CNIH4: variants seen among roughly 807,000 people sequenced by gnomAD.
CNIH4 encodes protein cornichon homolog 4.
In CNIH4, 9 loss-of-function variants were observed where a neutral mutation model predicts 21.5. That is an observed-to-expected ratio of 0.42 (90% CI 0.25 to 0.73). CNIH4 has a LOEUF of 0.73. Ranked by LOEUF, CNIH4 falls within the 30% of genes least tolerant of loss-of-function variation. CNIH4 has a pLI of 0.27. For missense variants in CNIH4, 159 were observed against 170.0 expected, an observed-to-expected ratio of 0.94 and a Z score of 0.36; for synonymous variants, 67 against 59.1, an observed-to-expected ratio of 1.13 and a Z score of -0.61.
At chr1:224,366,386 C>G (rs971583143) in intron 3 of CNIH4, among the ~76,000 whole-genome samples, 2 of 151,790 alleles carry the variant, frequency 1.3e-5, no homozygotes, top group African/African-American at 4.8e-5. Context: ...GAGTCTCACT[C>G]TGTCACCCAG....
At chr1:224,360,644 A>G (rs1672259629) in intron 2 of CNIH4, 81 bp downstream of exon 2, 8 of 667,042 alleles carry the variant, frequency 1.2e-5, no homozygotes, top group Non-Finnish European at 1.9e-5. Context: ...TAACAGATGT[A>G]TTTTTGATTT....
intron 4 of CNIH4, among the ~76,000 whole-genome samples, chr1:224,375,135 C>T (rs1672742802): frequency 6.6e-6 from 1 of 152,172 alleles, no homozygotes; most frequent in Non-Finnish European, 1.5e-5. Flanking sequence ...CACAGAACCC[C>T]TACGGTAAAA....
At chr1:224,365,339 T>TA (rs1231322624) in intron 2 of CNIH4, among the ~76,000 whole-genome samples, 1 of 152,366 alleles carries the variant, frequency 6.6e-6, no homozygotes, top group East Asian at 1.9e-4. Context: ...GTAAAGCCGA[T>TA]AGGCCAGGAT....
chr1:224,360,229 A>G (rs76752382), intron 1 of CNIH4, among the ~76,000 whole-genome samples: 2 of 148,184 alleles, frequency 1.3e-5, no homozygotes, highest in Non-Finnish European at 3.0e-5. Flanking sequence ...TTTTTTTTTA[A>G]TAGCCATTGT....
rs1454827965 is a variant in CNIH4, at chr1:224,378,895, G to T, written c.*3073G>T. 6 of 602,824 alleles carry T rather than the reference G, an allele frequency of 1.0e-5. No individual in the cohort carries two copies. In the Admixed American group the frequency reaches 1.7e-4, roughly 17 times the overall value. The allele number at this position is 602,824 out of a possible 1,614,324, so 37.3% of individuals were successfully genotyped here. A position where few individuals can be genotyped will look rare whatever the true frequency, so the allele number is the denominator to read the frequency against. On this transcript the variant is annotated 3_prime_UTR_variant, in exon 5 of 5. Coordinates refer to ENST00000465271, the MANE Select transcript of CNIH4 (RefSeq NM_014184.4). ...GAGATCGTTCAGGGTGTTGTAACTG[G>T]GAACATCTGAATGCTGAGGCTTAGT...
Position 224,356,902 on chromosome 1 carries a change from A to G in CNIH4, c.-23A>G. 2 of 1,592,560 alleles carry G rather than the reference A, an allele frequency of 1.3e-6. No individual in the cohort carries two copies. Among genetic ancestry groups the G allele is most frequent in the South Asian group, 1.1e-5 (1 of 88,100 alleles). On this transcript the variant is annotated 5_prime_UTR_variant, in exon 1 of 5. Coordinates refer to ENST00000465271, the MANE Select transcript of CNIH4 (RefSeq NM_014184.4). ...GCATCCGAGCGGGTTTGACGGAAGG[A>G]GCGGCGGCGACGGAGGAGGAGGATG...
intron 3 of CNIH4, among the ~76,000 whole-genome samples, chr1:224,367,829 G>C (rs1165266579): frequency 6.6e-6 from 1 of 152,236 alleles, no homozygotes; most frequent in East Asian, 1.9e-4. Context: ...TTTTAGCACA[G>C]CTAAGTCTAC....
At chr1:224,362,577 C>T (rs1379625041) in intron 2 of CNIH4, among the ~76,000 whole-genome samples, 4 of 150,356 alleles carry the variant, frequency 2.7e-5, no homozygotes, top group African/African-American at 9.8e-5. Context: ...GCAAGCTCTA[C>T]CTCCCCGGTT....
Position 224,376,338 on chromosome 1 carries a change from T to G in CNIH4, c.*516T>G. On this transcript the variant is annotated 3_prime_UTR_variant, in exon 5 of 5. Transcript: ENST00000465271. ...AGCTAAAAGTCTTTTCACAAGAATG[T>G]CAACAGAGAATGGCATCTCAAAATA... 1 of 985,404 alleles carries G rather than the reference T, an allele frequency of 1.0e-6. No individual in the cohort carries two copies. The highest frequency in any genetic ancestry group is 4.7e-5 in the South Asian group (1 of 21,290). 61.0% of individuals were successfully genotyped at this position (985,404 alleles called of 1,614,324 possible).
intron 3 of CNIH4, 99 bp downstream of exon 3, chr1:224,366,090 G>A: frequency 1.3e-6 from 1 of 763,044 alleles, no homozygotes; most frequent in South Asian, 1.4e-5. Flanking sequence ...TACCCAGGCT[G>A]GAGTGCAGTG....
intron 4 of CNIH4, 90 bp downstream of exon 4, chr1:224,371,513 T>C: frequency 7.7e-7 from 1 of 1,291,894 alleles, no homozygotes; most frequent in East Asian, 2.3e-5. Flanking sequence ...GCATTGACAT[T>C]GTGGAACTTT....
rs1672844818 is a variant in CNIH4, at chr1:224,378,851, A to T, written c.*3029A>T. 2.5e-6 allele frequency: 1 copy of T among 393,560 alleles called. No homozygotes were observed. 24.4% of individuals were successfully genotyped at this position (393,560 alleles called of 1,614,324 possible). ...CGTTCAGGGTGTTGTAACTGGGAAC[A>T]TCTGAATGCTGAGGCCTAGAGATCG... On this transcript the variant is annotated 3_prime_UTR_variant, in exon 5 of 5. Transcript: ENST00000465271.
At chr1:224,371,609 A>G (rs1162423442) in intron 4 of CNIH4, among the ~76,000 whole-genome samples, 186 bp downstream of exon 4, 1 of 152,120 alleles carries the variant, frequency 6.6e-6, no homozygotes, top group Non-Finnish European at 1.5e-5. Context: ...CAGTAGATCT[A>G]CCCTGTTGCA....
chr1:224,359,415 A>G (rs996648401), intron 1 of CNIH4, among the ~76,000 whole-genome samples: 5 of 152,210 alleles, frequency 3.3e-5, no homozygotes, highest in African/African-American at 1.2e-4. Context: ...AATGATTGCC[A>G]GGACCTACAA....
chr1:224,370,424 A>T (rs1292049298), intron 3 of CNIH4, among the ~76,000 whole-genome samples: 2 of 152,330 alleles, frequency 1.3e-5, no homozygotes, highest in East Asian at 3.9e-4. Flanking sequence ...CTAAGGTTGT[A>T]CTAGAAGAAG....
At chr1:224,364,787 A>G (rs1441264906) in intron 2 of CNIH4, among the ~76,000 whole-genome samples, 1 of 152,094 alleles carries the variant, frequency 6.6e-6, no homozygotes, top group East Asian at 1.9e-4. Flanking sequence ...TACAAAAATT[A>G]GCTGGCATGG....
Position 224,356,915 on chromosome 1 carries a change from G to C in CNIH4, c.-10G>C. The stretch of plus-strand genomic sequence containing the variant: ...TTTGACGGAAGGAGCGGCGGCGACG[G>C]AGGAGGAGGATGGAGGCGGTGGTGT... On this transcript the variant is annotated 5_prime_UTR_variant, in exon 1 of 5. Coordinates refer to ENST00000465271, the MANE Select transcript of CNIH4 (RefSeq NM_014184.4). 2 of 1,602,746 alleles carry C rather than the reference G, an allele frequency of 1.2e-6. No homozygotes were observed. The highest frequency in any genetic ancestry group is 1.7e-6 in the Non-Finnish European group (2 of 1,173,482).
chr1:224,374,509 G>A lies in CNIH4; in HGVS notation c.393-1286G>A, dbSNP rs533318870. Among the ~76,000 whole-genome samples, 7 of 152,020 alleles carry A rather than the reference G, an allele frequency of 4.6e-5. No individual in the cohort carries two copies. The East Asian group carries it at 1.4e-3, about 29-fold the overall frequency. ...AGCTCACTGCAGCCTCCGCCTCCCAGGTTCCAGGGATTCTCTTGCTTCAGC... is the reference window on the plus strand; with the variant it reads ...AGCTCACTGCAGCCTCCGCCTCCCAAGTTCCAGGGATTCTCTTGCTTCAGC... On this transcript the variant is annotated intron_variant, in intron 4 of 4. Coordinates refer to ENST00000465271, the MANE Select transcript of CNIH4 (RefSeq NM_014184.4).
chr1:224,364,125 G>A (rs1672380825), intron 2 of CNIH4: 2 of 984,652 alleles, frequency 2.0e-6, no homozygotes, highest in South Asian at 9.4e-5. Flanking sequence ...TGCAGTGGCT[G>A]ACACCTGTCC....
Sources: allele counts gnomAD v4.1 joint callset (sites outside exome capture counted in the v4.1 genomes callset), GRCh38; gene constraint gnomAD v4.1.1; transcripts MANE v1.5; gene names NCBI Gene and HGNC (gene_info 2026-07-23, HGNC 2026-07-21).